Variants in CALM2 observed in about 807,000 individuals in gnomAD.
CALM2 encodes calmodulin 2, also known as calmodulin-2.
Under a neutral mutation model 19.8 loss-of-function variants are expected in CALM2, and 2 were observed. The ratio of observed to expected loss-of-function variants is 0.10; its 90% CI spans 0.04 to 0.32. The LOEUF (loss-of-function observed/expected upper bound fraction) is 0.32, where lower values mean the gene tolerates loss of function less well. Ranked by LOEUF, CALM2 falls within the 10% of genes least tolerant of loss-of-function variation. CALM2 has a pLI of 1.00. For missense variants in CALM2, 38 were observed against 178.7 expected, an observed-to-expected ratio of 0.21 and a Z score of 4.49; for synonymous variants, 51 against 52.1, an observed-to-expected ratio of 0.98 and a Z score of 0.09.
intron 2 of CALM2, among the ~76,000 whole-genome samples, chr2:47,168,411 TCA>T (rs1225585241): frequency 6.6e-6 from 1 of 152,146 alleles, no homozygotes; most frequent in East Asian, 1.9e-4. Flanking sequence ...GTCCTGAATG[TCA>T]CAGTTTTGAT....
At chr2:47,172,974 C>T (rs933565389) in intron 1 of CALM2, 1 of 152,172 alleles carries the variant, frequency 6.6e-6, no homozygotes, top group Non-Finnish European at 1.5e-5. Context: ...AACTCCCTAC[C>T]TCCAAGCAAA....
chr2:47,176,519 C>G (rs1333681987), upstream of CALM2: 6 of 1,598,324 alleles, frequency 3.8e-6, no homozygotes, highest in Non-Finnish European at 5.1e-6. Context: ...ACTAATTCGC[C>G]TCCTCCGCCC....
chr2:47,170,703 A>C, intron 2 of CALM2, 31 bp downstream of exon 2: 1 of 1,570,506 alleles, frequency 6.4e-7, no homozygotes, highest in Non-Finnish European at 8.8e-7. Context: ...ATAAGAATCT[A>C]ATGGGTACAA....
chr2:47,175,873 G>GCCGCCCGC (rs1054076271), intron 1 of CALM2, among the ~76,000 whole-genome samples: 2 of 147,888 alleles, frequency 1.4e-5, no homozygotes, highest in Admixed American at 6.7e-5. Flanking sequence ...CACACAGCGC[G>GCCGCCCGC]CCGCCCGCCC....
At chr2:47,176,709 T>C, upstream of CALM2, 1 of 1,398,980 alleles carries the variant, frequency 7.1e-7, no homozygotes, top group Non-Finnish European at 9.3e-7. Flanking sequence ...ATGACGTAAG[T>C]GGGTTTCATT....
upstream of CALM2, chr2:47,176,645 T>C: frequency 2.0e-6 from 3 of 1,479,460 alleles, no homozygotes; most frequent in South Asian, 1.3e-5. Flanking sequence ...GGGACCCCTT[T>C]CTTCACAGTT....
At chr2:47,172,817 G>A (rs1321825696) in intron 1 of CALM2, 1 of 82,092 alleles carries the variant, frequency 1.2e-5, no homozygotes, top group Non-Finnish European at 2.4e-5. Context: ...TGGGGGGGGG[G>A]GGGGGGTGGG....
At chr2:47,165,212 T>A (rs757877782) in intron 2 of CALM2, among the ~76,000 whole-genome samples, 8 of 152,244 alleles carry the variant, frequency 5.3e-5, no homozygotes, top group African/African-American at 1.4e-4. Context: ...CCATATGGCA[T>A]AGAAACTAAA....
rs142404908 is a variant in CALM2, at chr2:47,165,285, T to G, written c.35-2623A>C. Among the ~76,000 whole-genome samples the G allele has an allele frequency of 2.0e-5, 3 of 152,334 alleles. No individual in the cohort carries two copies. The East Asian group carries it at 5.8e-4, about 29-fold the overall frequency. ...CTAGCTCTGTTTCTTCTTCTGGCAA[T>G]GCAATATGGACAAGCTACTAAACCT... On this transcript the variant is annotated intron_variant, in intron 2 of 5. Coordinates refer to ENST00000272298, the MANE Select transcript of CALM2 (RefSeq NM_001743.6).
At chr2:47,164,293 A>ACC (rs1666382556) in intron 2 of CALM2, among the ~76,000 whole-genome samples, 1 of 144,084 alleles carries the variant, frequency 6.9e-6, no homozygotes, top group Non-Finnish European at 1.5e-5. Flanking sequence ...TAAAACACAC[A>ACC]CACACACAAG....
At chr2:47,176,537 C>T (rs781328493), upstream of CALM2, 19 of 1,576,888 alleles carry the variant, frequency 1.2e-5, 1 homozygote, top group Middle Eastern at 1.7e-4. Flanking sequence ...CCCCCAGCGC[C>T]TCATAAACAC....
intron 2 of CALM2, among the ~76,000 whole-genome samples, chr2:47,165,432 T>C (rs1188148397): frequency 2.0e-5 from 3 of 152,220 alleles, no homozygotes; most frequent in Admixed American, 1.3e-4. Flanking sequence ...AAAATTAGTA[T>C]GTGTCAAACA....
intron 2 of CALM2, among the ~76,000 whole-genome samples, chr2:47,164,984 T>C (rs979528121): frequency 6.6e-6 from 1 of 152,240 alleles, no homozygotes; most frequent in East Asian, 1.9e-4. Context: ...TCACATCGCT[T>C]AGCCTAAAAC....
chr2:47,162,097 T>A (rs1286910473), intron 4 of CALM2, among the ~76,000 whole-genome samples, 189 bp downstream of exon 4: 1 of 132,632 alleles, frequency 7.5e-6, no homozygotes, highest in African/African-American at 2.8e-5. Flanking sequence ...ATGAACGCAA[T>A]ACATATATTA....
At chr2:47,168,575 C>T (rs1316605453) in intron 2 of CALM2, among the ~76,000 whole-genome samples, 4 of 151,966 alleles carry the variant, frequency 2.6e-5, no homozygotes, top group Non-Finnish European at 4.4e-5. Flanking sequence ...CCCATCTCTA[C>T]TAAAAATACA....
At chr2:47,167,814 C>CTTTTCTTTTTTTTTTTTTTTTTTT in intron 2 of CALM2, 3 of 96,484 alleles carry the variant, frequency 3.1e-5, no homozygotes, top group African/African-American at 1.7e-4. Context: ...TTTTTCTTTT[C>CTTTTCTTTTTTTTTTTTTTTTTTT]TTTGAGACAG....
At chr2:47,176,886 AC>A, upstream of CALM2, 1 of 985,284 alleles carries the variant, frequency 1.0e-6, no homozygotes, top group Non-Finnish European at 1.2e-6. Flanking sequence ...CGCCGCCGGG[AC>A]GCGGTGCGGC....
Position 47,161,875 on chromosome 2 carries a change from T to C in CALM2, c.286-17A>G. 6.3e-7 allele frequency: 1 copy of C among 1,598,272 alleles called. No individual in the cohort carries two copies. The highest frequency in any genetic ancestry group is 8.5e-7 in the Non-Finnish European group (1 of 1,173,106). ...ATTGCCATCCTAGCAAAAAATTTAG[T>C]ATAGTTTCTGAGTCAAATTACAGAC... On this transcript the variant is annotated splice_polypyrimidine_tract_variant and intron_variant, in intron 4 of 5. Transcript: ENST00000272298.
intron 2 of CALM2, chr2:47,167,769 GC>G (rs1666529139): frequency 9.0e-6 from 1 of 111,088 alleles, no homozygotes; most frequent in Non-Finnish European, 1.8e-5. Context: ...GCGGTCACCA[GC>G]ACTTACAACT....
Sources: allele counts gnomAD v4.1 joint callset (sites outside exome capture counted in the v4.1 genomes callset), GRCh38; gene constraint gnomAD v4.1.1; transcripts MANE v1.5; gene names NCBI Gene and HGNC (gene_info 2026-07-23, HGNC 2026-07-21).